Variants in OLFM3 observed in about 807,000 individuals in gnomAD.
The protein encoded by OLFM3 is olfactomedin 3.
Under a neutral mutation model 48.6 loss-of-function variants are expected in OLFM3, and 20 were observed. The observed-to-expected ratio is 0.41, with a 90% CI of 0.29 to 0.60. The LOEUF is 0.60. OLFM3 is among the 20% of genes least tolerant of loss of function. The pLI, the probability that OLFM3 is intolerant of heterozygous loss-of-function variation, is 0.28. For missense variants in OLFM3, 437 were observed against 544.3 expected, an observed-to-expected ratio of 0.80 and a Z score of 1.96; for synonymous variants, 222 against 198.1, an observed-to-expected ratio of 1.12 and a Z score of -1.01.
intron 1 of OLFM3, among the ~76,000 whole-genome samples, chr1:101,927,538 C>T (rs1659309615): frequency 6.6e-6 from 1 of 151,904 alleles, no homozygotes; most frequent in Non-Finnish European, 1.5e-5. Context: ...TTTCTTGAGT[C>T]TGAAAGGACT....
At chr1:101,843,124 T>C (rs1655809331) in intron 1 of OLFM3, among the ~76,000 whole-genome samples, 1 of 152,240 alleles carries the variant, frequency 6.6e-6, no homozygotes, top group Non-Finnish European at 1.5e-5. Flanking sequence ...TGACAGTTCA[T>C]TTCAGGGGAT....
At chr1:101,965,007 T>C (rs183386176) in intron 1 of OLFM3, among the ~76,000 whole-genome samples, 1 of 152,328 alleles carries the variant, frequency 6.6e-6, no homozygotes, top group Non-Finnish European at 1.5e-5. Flanking sequence ...GTCTATGTTC[T>C]GGCTTAAAGA....
chr1:101,835,701 T>A (rs960771635), intron 2 of OLFM3, among the ~76,000 whole-genome samples: 10 of 152,120 alleles, frequency 6.6e-5, no homozygotes, highest in African/African-American at 2.4e-4. Flanking sequence ...GGATGACAGA[T>A]ATTGAGGGAT....
At chr1:101,904,329 A>T (rs1388719206) in intron 1 of OLFM3, among the ~76,000 whole-genome samples, 2 of 152,120 alleles carry the variant, frequency 1.3e-5, no homozygotes, top group Non-Finnish European at 2.9e-5. Flanking sequence ...AGGAGGAAAA[A>T]ATATCTTGAC....
chr1:101,977,704 T>C (rs534464172), intron 1 of OLFM3, among the ~76,000 whole-genome samples: 17 of 152,282 alleles, frequency 1.1e-4, no homozygotes, highest in Middle Eastern at 3.4e-3. Flanking sequence ...AAATCAATGG[T>C]TGCTATTTTT....
At chr1:101,979,689 A>G (rs1661052814) in intron 1 of OLFM3, among the ~76,000 whole-genome samples, 1 of 152,192 alleles carries the variant, frequency 6.6e-6, no homozygotes, top group Non-Finnish European at 1.5e-5. Flanking sequence ...AACCTCTGCT[A>G]GGGCGGTACA....
chr1:101,867,587 T>A (rs1001945247), intron 1 of OLFM3, among the ~76,000 whole-genome samples: 3 of 152,216 alleles, frequency 2.0e-5, no homozygotes, highest in Admixed American at 2.0e-4. Context: ...TGATTATTTA[T>A]CCCATTAGGT....
At chr1:101,911,199 T>C (rs537437142) in intron 1 of OLFM3, among the ~76,000 whole-genome samples, 1 of 152,208 alleles carries the variant, frequency 6.6e-6, no homozygotes, top group East Asian at 1.9e-4. Flanking sequence ...GGCATAATCT[T>C]CCATAACTTA....
intron 1 of OLFM3, among the ~76,000 whole-genome samples, chr1:101,916,418 A>G (rs887979322): frequency 1.9e-4 from 23 of 122,664 alleles, no homozygotes; most frequent in Admixed American, 1.0e-3. Context: ...TTTAATTTTT[A>G]TTTTTTAAAC....
chr1:101,890,360 C>A (rs1347154297), intron 1 of OLFM3, among the ~76,000 whole-genome samples: 1 of 151,488 alleles, frequency 6.6e-6, no homozygotes, highest in East Asian at 1.9e-4. Flanking sequence ...TATAGACACA[C>A]ACACACACAC....
chr1:101,908,424 C>T (rs144095722), intron 1 of OLFM3, among the ~76,000 whole-genome samples: 1 of 152,160 alleles, frequency 6.6e-6, no homozygotes, highest in African/African-American at 2.4e-5. Context: ...AAATTTCACA[C>T]CTTTTATTGG....
At position 101,982,844 on chromosome 1, in the gene OLFM3, G is replaced by A. The variant is rs145186002; in HGVS notation, c.69+13904C>T. Reference sequence around the variant, plus strand: ...CTAAATGAAGATCTGGGACTTATCCGCCTACAAAATCATGTGAGCCAATTT... The same window carrying A: ...CTAAATGAAGATCTGGGACTTATCCACCTACAAAATCATGTGAGCCAATTT... On this transcript the variant is annotated intron_variant, in intron 1 of 5. Coordinates refer to ENST00000370103, the MANE Select transcript of OLFM3 (RefSeq NM_058170.4). 2.5e-4 allele frequency among the ~76,000 whole-genome samples: 38 copies of A among 152,032 alleles called. No homozygotes were observed. In the East Asian group the frequency reaches 3.9e-3, roughly 15 times the overall value.
chr1:101,992,931 G>C (rs1661457064), intron 1 of OLFM3, among the ~76,000 whole-genome samples: 1 of 152,086 alleles, frequency 6.6e-6, no homozygotes, highest in African/African-American at 2.4e-5. Flanking sequence ...CTGAATCATT[G>C]TTATATTTTA....
chr1:101,987,625 A>G (rs1661284427), intron 1 of OLFM3, among the ~76,000 whole-genome samples: 1 of 152,156 alleles, frequency 6.6e-6, no homozygotes, highest in African/African-American at 2.4e-5. Flanking sequence ...GTCATATTTT[A>G]CCAGTGACAT....
intron 1 of OLFM3, among the ~76,000 whole-genome samples, chr1:101,878,975 T>A (rs1419165980): frequency 6.6e-6 from 1 of 151,810 alleles, no homozygotes; most frequent in East Asian, 1.9e-4. Flanking sequence ...TTTGGTAACA[T>A]ATTGACCACC....
At position 101,956,086 on chromosome 1, in the gene OLFM3, G is replaced by GTTTTTTTTTTTT. The variant is rs71592232; in HGVS notation, c.69+40650_69+40661dup. Among the ~76,000 whole-genome samples the GTTTTTTTTTTTT allele has an allele frequency of 3.9e-3, 411 of 104,884 alleles. 10 individuals are homozygous for GTTTTTTTTTTTT. The highest frequency in any genetic ancestry group is 0.014 in the African/African-American group (350 of 25,446). 68.8% of individuals were successfully genotyped at this position (104,884 alleles called of 152,430 possible). A position where few individuals can be genotyped will look rare whatever the true frequency, so the allele number is the denominator to read the frequency against. On this transcript the variant is annotated intron_variant, in intron 1 of 5. Transcript: ENST00000370103. The stretch of plus-strand genomic sequence containing the variant: ...ATATCTCAATTCAACACAATAACAG[G>GTTTTTTTTTTTT]TTTTTTTTTTTTTTTTTAAAAAAAA...
intron 1 of OLFM3, among the ~76,000 whole-genome samples, chr1:101,944,348 T>A (rs7529820): frequency 0.4 from 60,926 of 151,760 alleles, 12,515 homozygotes; most frequent in East Asian, 0.51. Context: ...GTAATAATAA[T>A]CCAGAGGAGG....
At chr1:101,952,751 T>G (rs1660181336) in intron 1 of OLFM3, among the ~76,000 whole-genome samples, 2 of 152,124 alleles carry the variant, frequency 1.3e-5, no homozygotes. Flanking sequence ...ATTCATTTAT[T>G]TATTCACACA....
chr1:101,866,783 A>C (rs1656878974), intron 1 of OLFM3, among the ~76,000 whole-genome samples: 1 of 152,228 alleles, frequency 6.6e-6, no homozygotes, highest in Non-Finnish European at 1.5e-5. Flanking sequence ...GCAGGTTTTT[A>C]AAATACAGAT....
Sources: gnomAD v4.1 joint callset for allele counts (sites outside exome capture counted in the v4.1 genomes callset) on GRCh38, gnomAD v4.1.1 for gene constraint, MANE v1.5 for transcripts, NCBI Gene and HGNC (gene_info 2026-07-23, HGNC 2026-07-21) for gene names.